SPAG17: variants seen among roughly 807,000 people sequenced by gnomAD.
SPAG17 encodes sperm-associated antigen 17.
SPAG17 carries 169 observed loss-of-function variants against 273.6 expected under a neutral mutation model. That is an observed-to-expected ratio of 0.62 (90% CI 0.55 to 0.70). SPAG17 has a LOEUF of 0.70. SPAG17 is among the 30% of genes least tolerant of loss of function. SPAG17 has a pLI of 0.00. For missense variants in SPAG17, 2,557 were observed against 2,627.8 expected (o/e 0.97, Z 0.59); for synonymous variants, 825 against 873.2 (o/e 0.94, Z 0.97).
At chr1:118,165,553 T>G (rs984789806) in intron 1 of SPAG17, among the ~76,000 whole-genome samples, 1 of 151,456 alleles carries the variant, frequency 6.6e-6, no homozygotes. Flanking sequence ...TCATAAGATA[T>G]GCATGGCAAG....
chr1:118,064,827 C>A (rs766178535), intron 18 of SPAG17, among the ~76,000 whole-genome samples: 1 of 151,244 alleles, frequency 6.6e-6, no homozygotes, highest in South Asian at 2.1e-4. Context: ...GTTGCTAAGG[C>A]GGTATTTAGG....
At chr1:118,103,217 A>G (rs1233444125) in intron 4 of SPAG17, among the ~76,000 whole-genome samples, 3 of 152,188 alleles carry the variant, frequency 2.0e-5, no homozygotes, top group Admixed American at 2.0e-4. Context: ...TCCATGCCAG[A>G]CAGAAAAAGG....
At chr1:117,958,654 T>G (rs1406391243) in intron 48 of SPAG17, among the ~76,000 whole-genome samples, 5 of 152,210 alleles carry the variant, frequency 3.3e-5, no homozygotes, top group Non-Finnish European at 7.3e-5. Flanking sequence ...GGCAGGTTGC[T>G]GGGCTGGAAG....
Position 118,163,474 on chromosome 1 carries a change from T to C in SPAG17, c.88-12105A>G, listed in dbSNP as rs369059425. 1.9e-4 allele frequency among the ~76,000 whole-genome samples: 29 copies of C among 151,986 alleles called. No individual in the cohort carries two copies. The South Asian group carries it at 4.2e-3, about 22-fold the overall frequency. ...TTTTTACATTTTCCATCTGAAAACA[T>C]CCTTCACTGGCCCCAAGAACTTACT... On this transcript the variant is annotated intron_variant, in intron 1 of 48. Coordinates refer to ENST00000336338, the MANE Select transcript of SPAG17 (RefSeq NM_206996.4).
intron 15 of SPAG17, among the ~76,000 whole-genome samples, chr1:118,077,580 A>T (rs1654205566): frequency 6.6e-6 from 1 of 152,128 alleles, no homozygotes; most frequent in African/African-American, 2.4e-5. Flanking sequence ...CTTGGGCCTT[A>T]CACCTCTCCT....
intron 48 of SPAG17, 173 bp from the exon 49 acceptor site, chr1:117,954,222 C>T (rs1202480137): frequency 1.2e-6 from 1 of 808,092 alleles, no homozygotes; most frequent in East Asian, 2.6e-5. Flanking sequence ...ATCTTTCCAA[C>T]TCACTATATT....
At chr1:118,106,277 A>G (rs1437728211) in intron 4 of SPAG17, among the ~76,000 whole-genome samples, 2 of 152,214 alleles carry the variant, frequency 1.3e-5, no homozygotes, top group East Asian at 3.8e-4. Context: ...ACTATAGTCC[A>G]AATATTCTAT....
chr1:117,970,829 G>T (rs903246025), intron 45 of SPAG17, among the ~76,000 whole-genome samples: 1 of 152,168 alleles, frequency 6.6e-6, no homozygotes. Flanking sequence ...ATACTGGAGC[G>T]ACAGGACCCG....
At chr1:118,046,767 TC>T (rs1383581060) in intron 20 of SPAG17, among the ~76,000 whole-genome samples, 1 of 152,198 alleles carries the variant, frequency 6.6e-6, no homozygotes, top group Non-Finnish European at 1.5e-5. Context: ...AAAATAGAAT[TC>T]TTTTTTTGTG....
At chr1:118,107,289 A>G (rs927993767) in intron 4 of SPAG17, among the ~76,000 whole-genome samples, 7 of 151,968 alleles carry the variant, frequency 4.6e-5, no homozygotes, top group African/African-American at 1.7e-4. Flanking sequence ...CAGGGGCTGA[A>G]TCACACTTGC....
At chr1:117,986,088 A>T (rs1656371150) in intron 40 of SPAG17, among the ~76,000 whole-genome samples, 1 of 152,194 alleles carries the variant, frequency 6.6e-6, no homozygotes, top group Non-Finnish European at 1.5e-5. Context: ...TAAGTAATCA[A>T]ATTGTAACTG....
chr1:117,965,891 C>CCAAT, intron 47 of SPAG17: 1 of 152,312 alleles, frequency 6.6e-6, no homozygotes, highest in East Asian at 1.9e-4. Context: ...GAACTCCCTG[C>CCAAT]CAATCATCCC....
chr1:118,106,574 T>C (rs1456117632), intron 4 of SPAG17, among the ~76,000 whole-genome samples: 4 of 152,216 alleles, frequency 2.6e-5, no homozygotes, highest in Non-Finnish European at 4.4e-5. Flanking sequence ...TGCAACATGT[T>C]GGTAGACAGC....
At chr1:117,997,588 A>T (rs964814015) in intron 32 of SPAG17, among the ~76,000 whole-genome samples, 1 of 151,604 alleles carries the variant, frequency 6.6e-6, no homozygotes, top group African/African-American at 2.4e-5. Flanking sequence ...AAAAAAGAAA[A>T]GAAAAAAGAT....
chr1:118,077,148 G>C (rs1172753459), intron 15 of SPAG17, among the ~76,000 whole-genome samples: 1 of 152,176 alleles, frequency 6.6e-6, no homozygotes, highest in Admixed American at 6.6e-5. Context: ...CTTGTTTAAA[G>C]AGAATTAAAG....
intron 19 of SPAG17, among the ~76,000 whole-genome samples, chr1:118,054,815 A>G (rs1450748596): frequency 6.6e-6 from 1 of 152,122 alleles, no homozygotes; most frequent in Non-Finnish European, 1.5e-5. Flanking sequence ...CATTTTGGTC[A>G]ATATGGTAAA....
chr1:118,119,080 G>A lies in SPAG17; in HGVS notation c.316-3639C>T, dbSNP rs569468166. ...CCCAATGCTTAGAATTGCCCTAGGCGCTCTCATGGAAACCAAATATATGCA... is the reference window on the plus strand; with the variant it reads ...CCCAATGCTTAGAATTGCCCTAGGCACTCTCATGGAAACCAAATATATGCA... On this transcript the variant is annotated intron_variant, in intron 3 of 48. Transcript: ENST00000336338. Among the ~76,000 whole-genome samples the A allele has an allele frequency of 3.3e-5, 5 of 152,192 alleles. No individual in the cohort carries two copies. The South Asian group carries it at 8.3e-4, about 25-fold the overall frequency.
chr1:117,954,141 A>T, intron 48 of SPAG17, 92 bp from the exon 49 acceptor site: 1 of 1,526,740 alleles, frequency 6.5e-7, no homozygotes, highest in Non-Finnish European at 9.0e-7. Flanking sequence ...AATAAAGGGA[A>T]TTCCCAAGGA....
intron 1 of SPAG17, among the ~76,000 whole-genome samples, chr1:118,170,063 T>C (rs958731731): frequency 2.6e-5 from 4 of 152,210 alleles, no homozygotes; most frequent in Admixed American, 6.5e-5. Context: ...AATCATCCTA[T>C]GTATCTGCTG....
Sources: gnomAD v4.1 joint callset for allele counts (sites outside exome capture counted in the v4.1 genomes callset) on GRCh38, gnomAD v4.1.1 for gene constraint, MANE v1.5 for transcripts, NCBI Gene and HGNC (gene_info 2026-07-23, HGNC 2026-07-21) for gene names.